Variants in ZNF706 observed in about 807,000 individuals in gnomAD.
ZNF706 encodes the protein zinc finger protein 706, also known as transcriptional regulator ZNF706.
Under a neutral mutation model 9.2 loss-of-function variants are expected in ZNF706, and 4 were observed. That is an observed-to-expected ratio of 0.43 (90% CI 0.21 to 0.99). The LOEUF (loss-of-function observed/expected upper bound fraction) is 0.99, where lower values mean the gene tolerates loss of function less well. Ranked by LOEUF, ZNF706 falls within the 50% of genes least tolerant of loss-of-function variation. The probability of loss-of-function intolerance (pLI) is 0.26; values close to 1 mark genes in which losing one functional copy is unlikely to be tolerated. For synonymous variants in ZNF706, 28 were observed against 27.3 expected (o/e 1.03, Z -0.08); for missense variants, 27 against 87.8 (o/e 0.31, Z 2.77).
At chr8:101,199,548 C>T (rs1810483978) in intron 3 of ZNF706, among the ~76,000 whole-genome samples, 1 of 151,918 alleles carries the variant, frequency 6.6e-6, no homozygotes, top group Non-Finnish European at 1.5e-5. Context: ...TACATTTTGC[C>T]CTATATTTTA....
intron 1 of ZNF706, chr8:101,204,866 A>C: frequency 1.0e-6 from 1 of 985,762 alleles, no homozygotes; most frequent in Non-Finnish European, 1.2e-6. Context: ...TCGGAAAGGA[A>C]GAGGCCCAGG....
rs1363923993 is a variant in ZNF706, at chr8:101,198,598, GGGTACACCTGACTGGCAGTTAGAGCCA to G, written c.*627_*653del. 1 of 152,174 alleles carries G rather than the reference GGGTACACCTGACTGGCAGTTAGAGCCA, an allele frequency of 6.6e-6. No individual in the cohort carries two copies. Among genetic ancestry groups the G allele is most frequent in the Non-Finnish European group, 1.5e-5 (1 of 68,046 alleles). 9.4% of individuals were successfully genotyped at this position (152,174 alleles called of 1,614,324 possible). A position where few individuals can be genotyped will look rare whatever the true frequency, so the allele number is the denominator to read the frequency against. On this transcript the variant is annotated 3_prime_UTR_variant, in exon 4 of 4. Transcript: ENST00000311212. ...TTTAGGAAGCTATCAGTTATCTACA[GGGTACACCTGACTGGCAGTTAGAGCCA>G]GGTCATACTGCAATTTTAAATATTC...
At chr8:101,204,612 G>A (rs73698949) in intron 1 of ZNF706, 2 of 985,138 alleles carry the variant, frequency 2.0e-6, no homozygotes, top group East Asian at 1.1e-4. Context: ...GATTAAATGC[G>A]ACAAACTGGA....
chr8:101,204,616 A>G (rs1810683898), intron 1 of ZNF706: 2 of 985,310 alleles, frequency 2.0e-6, no homozygotes, highest in African/African-American at 1.7e-5. Flanking sequence ...AAATGCGACA[A>G]ACTGGAGGGA....
At position 101,197,692 on chromosome 8, in the gene ZNF706, C is replaced by T. The variant is rs1438733403; in HGVS notation, c.*1560G>A. ...GGTAAAATTCTAACGTTCTGGTAATCGACATGTTAGGAAACAACAGATATT... is the reference window on the plus strand; with the variant it reads ...GGTAAAATTCTAACGTTCTGGTAATTGACATGTTAGGAAACAACAGATATT... On this transcript the variant is annotated 3_prime_UTR_variant, in exon 4 of 4. Transcript: ENST00000311212. The T allele has an allele frequency of 1.3e-5, 2 of 152,048 alleles. No individual in the cohort carries two copies. Among genetic ancestry groups the T allele is most frequent in the African/African-American group, 4.8e-5 (2 of 41,378 alleles). The allele number at this position is 152,048 out of a possible 1,614,324, so 9.4% of individuals were successfully genotyped here.
At chr8:101,200,819 G>A (rs1810530844) in intron 2 of ZNF706, 1 of 155,534 alleles carries the variant, frequency 6.4e-6, no homozygotes, top group Admixed American at 6.5e-5. Context: ...AGGGTAATGA[G>A]CTTAAACAAA....
chr8:101,206,179 C>G (rs1810767137), upstream of ZNF706: 1 of 152,386 alleles, frequency 6.6e-6, no homozygotes, highest in African/African-American at 2.4e-5. Flanking sequence ...ACCCAGGACA[C>G]CGCGGCCCCG....
chr8:101,203,803 T>G (rs1810650348), intron 1 of ZNF706: 1 of 152,222 alleles, frequency 6.6e-6, no homozygotes, highest in Non-Finnish European at 1.5e-5. Context: ...CTTCCATTTT[T>G]GCTTTAAAAA....
At chr8:101,202,916 A>T (rs1350379708) in intron 1 of ZNF706, 1 of 152,230 alleles carries the variant, frequency 6.6e-6, no homozygotes, top group Non-Finnish European at 1.5e-5. Context: ...CCTCAGAAAT[A>T]GGTGGAAACT....
At position 101,201,771 on chromosome 8, in the gene ZNF706, T is replaced by A. The variant is rs1458433670; in HGVS notation, c.-2-28A>T. The A allele has an allele frequency of 1.2e-6, 2 of 1,612,936 alleles. No homozygotes were observed. The highest frequency in any genetic ancestry group is 2.7e-5 in the African/African-American group (2 of 74,790). ...AAAAACAGAAGGTGAAGCATTAGAG[T>A]GGCTTATTTACTCTAATACAGAGTA... On this transcript the variant is annotated intron_variant, in intron 1 of 3. Transcript: ENST00000311212. The surrounding 1 kb of genome is among the most constrained non-coding windows in gnomAD (Gnocchi z 4.5).
In ZNF706 at chr8:101,201,829, C is replaced by G. The variant is rs1371667150; in HGVS notation, c.-2-86G>C. 1.5e-6 allele frequency: 2 copies of G among 1,372,830 alleles called. No homozygotes were observed. The highest frequency in any genetic ancestry group is 2.0e-6 in the Non-Finnish European group (2 of 1,010,666). The allele number at this position is 1,372,830 out of a possible 1,614,324, so 85.0% of individuals were successfully genotyped here. The stretch of plus-strand genomic sequence containing the variant: ...CATAAGAACGTTCTTAGAATTGAAG[C>G]CTTAAGTTTTATAGAAATATCTGGC... On this transcript the variant is annotated intron_variant, in intron 1 of 3. Transcript: ENST00000311212. This position sits in a 1 kb window ranked among gnomAD's most constrained non-coding sequence, Gnocchi z 4.5.
intron 2 of ZNF706, chr8:101,200,921 C>A: frequency 4.8e-6 from 1 of 208,110 alleles, no homozygotes; most frequent in Non-Finnish European, 1.0e-5. Context: ...AGCTGAACTG[C>A]CTGAGTTCAG....
chr8:101,199,922 G>A (rs922249240), intron 3 of ZNF706, 68 bp downstream of exon 3: 39 of 1,028,494 alleles, frequency 3.8e-5, no homozygotes, highest in Non-Finnish European at 5.6e-5. Flanking sequence ...TTCACAATAA[G>A]TGAAGACAGT....
At chr8:101,204,171 C>T (rs1302964994) in intron 1 of ZNF706, 1 of 152,214 alleles carries the variant, frequency 6.6e-6, no homozygotes, top group Non-Finnish European at 1.5e-5. Flanking sequence ...CCTTTGCTTT[C>T]TAGAAGTTAC....
intron 2 of ZNF706, 56 bp from the exon 3 acceptor site, chr8:101,200,153 T>C (rs780040163): frequency 3.4e-5 from 48 of 1,419,148 alleles, no homozygotes; most frequent in Non-Finnish European, 4.7e-5. Context: ...TAAAAATGTG[T>C]TACTTTTTAG....
intron 1 of ZNF706, chr8:101,203,319 G>A (rs919793814): frequency 6.6e-6 from 1 of 152,094 alleles, no homozygotes; most frequent in African/African-American, 2.4e-5. Flanking sequence ...TGGATCCTAA[G>A]TAGAATTCAT....
Position 101,205,075 on chromosome 8 carries a change from T to C in ZNF706, c.-3+360A>G. The C allele has an allele frequency of 2.7e-6, 1 of 373,196 alleles. No homozygotes were observed. The highest frequency in any genetic ancestry group is 3.7e-6 in the Non-Finnish European group (1 of 270,492). 23.1% of individuals were successfully genotyped at this position (373,196 alleles called of 1,614,324 possible). A position where few individuals can be genotyped will look rare whatever the true frequency, so the allele number is the denominator to read the frequency against. ...GCCACCAAAGGCCACGCAGCCCCCA[T>C]CTAGCCAGTCCTCACGGACCCTGGA... On this transcript the variant is annotated intron_variant, in intron 1 of 3. Transcript: ENST00000311212. This position sits in a 1 kb window ranked among gnomAD's most constrained non-coding sequence, Gnocchi z 6.6.
At chr8:101,200,968 C>T in intron 2 of ZNF706, 1 of 260,636 alleles carries the variant, frequency 3.8e-6, no homozygotes, top group African/African-American at 2.3e-5. Context: ...GGAGACCCCA[C>T]ACAAATTGTT....
chr8:101,200,605 A>C (rs1461904277), intron 2 of ZNF706, among the ~76,000 whole-genome samples: 2 of 152,214 alleles, frequency 1.3e-5, no homozygotes, highest in African/African-American at 4.8e-5. Context: ...ATATGAAATA[A>C]AAGTCTGTGG....
Sources: allele counts gnomAD v4.1 joint callset (sites outside exome capture counted in the v4.1 genomes callset), GRCh38; gene constraint gnomAD v4.1.1; non-coding constraint Gnocchi (gnomAD v3.1); transcripts MANE v1.5; gene names NCBI Gene and HGNC (gene_info 2026-07-23, HGNC 2026-07-21).